The following THSD7B variants were observed in gnomAD, a reference collection of about 807,000 sequenced individuals.
The protein encoded by THSD7B is thrombospondin type-1 domain-containing protein 7B.
In THSD7B, 138 loss-of-function variants were observed where a neutral mutation model predicts 213.6. The observed-to-expected ratio is 0.65, with a 90% CI of 0.56 to 0.74. The LOEUF is 0.74. THSD7B is among the 30% of genes least tolerant of loss of function. THSD7B has a pLI of 0.00. For synonymous variants in THSD7B, 742 were observed against 687.0 expected (o/e 1.08, Z -1.25); for missense variants, 1,931 against 1,991.5 (o/e 0.97, Z 0.58).
chr2:137,493,134 A>AAG (rs1553454639), intron 15 of THSD7B, among the ~76,000 whole-genome samples: 7 of 148,336 alleles, frequency 4.7e-5, no homozygotes, highest in Admixed American at 4.0e-4. Context: ...AAAAAAAAAA[A>AAG]AAAAAAAAAA....
chr2:136,940,882 T>C (rs1684815123), intron 2 of THSD7B, among the ~76,000 whole-genome samples: 1 of 150,702 alleles, frequency 6.6e-6, no homozygotes, highest in Non-Finnish European at 1.5e-5. Context: ...TTTTTTAAAG[T>C]TCTAGGGTAC....
At chr2:137,463,684 T>C (rs146165699) in intron 15 of THSD7B, among the ~76,000 whole-genome samples, 1,524 of 152,208 alleles carry the variant, frequency 0.01, 19 homozygotes, top group African/African-American at 0.035. Flanking sequence ...GAAGGACATA[T>C]TGGGTTTTTG....
intron 3 of THSD7B, 51 bp downstream of exon 3, chr2:137,057,281 G>A (rs888770683): frequency 7.7e-6 from 11 of 1,427,962 alleles, no homozygotes; most frequent in Middle Eastern, 1.8e-4. Context: ...ATTTTATAGT[G>A]CAACTTTATA....
chr2:137,589,488 G>A (rs1163938997), intron 17 of THSD7B, among the ~76,000 whole-genome samples: 1 of 152,062 alleles, frequency 6.6e-6, no homozygotes, highest in African/African-American at 2.4e-5. Flanking sequence ...TTTTCTTCAA[G>A]TAGATATTTT....
chr2:137,453,897 A>G (rs1687706351), intron 15 of THSD7B, among the ~76,000 whole-genome samples: 1 of 152,198 alleles, frequency 6.6e-6, no homozygotes, highest in African/African-American at 2.4e-5. Flanking sequence ...TTCACTTATC[A>G]TAAGGTTTTC....
intron 22 of THSD7B, among the ~76,000 whole-genome samples, chr2:137,656,276 C>CA (rs201379589): frequency 4.0e-5 from 6 of 151,014 alleles, no homozygotes; most frequent in South Asian, 4.2e-4. Flanking sequence ...ATATGTATTA[C>CA]AAAAAAAATT....
chr2:137,265,106 C>T (rs999915325), intron 10 of THSD7B, among the ~76,000 whole-genome samples: 3 of 152,084 alleles, frequency 2.0e-5, no homozygotes, highest in Non-Finnish European at 4.4e-5. Context: ...CGATAGTTTA[C>T]TGAGAATGAT....
chr2:137,015,281 G>A (rs1441144852), intron 2 of THSD7B, among the ~76,000 whole-genome samples: 1 of 152,054 alleles, frequency 6.6e-6, no homozygotes, highest in Non-Finnish European at 1.5e-5. Context: ...ATTTCTGTGT[G>A]TCAACATTAT....
At chr2:137,345,569 G>A (rs1017850226) in intron 12 of THSD7B, among the ~76,000 whole-genome samples, 2 of 151,576 alleles carry the variant, frequency 1.3e-5, no homozygotes, top group Non-Finnish European at 3.0e-5. Context: ...ATGCTACTTG[G>A]TCACATGCTC....
At chr2:136,921,987 T>G (rs909117133) in intron 2 of THSD7B, among the ~76,000 whole-genome samples, 1 of 152,230 alleles carries the variant, frequency 6.6e-6, no homozygotes, top group South Asian at 2.1e-4. Context: ...TAGTTTTTGC[T>G]ATCTAATCTC....
intron 24 of THSD7B, among the ~76,000 whole-genome samples, 156 bp downstream of exon 24, chr2:137,657,316 A>T (rs1683255772): frequency 6.6e-6 from 1 of 152,242 alleles, no homozygotes; most frequent in Non-Finnish European, 1.5e-5. Flanking sequence ...TTTGCATCTT[A>T]GAAAGAAAGC....
intron 2 of THSD7B, among the ~76,000 whole-genome samples, chr2:136,943,449 A>G (rs1684869801): frequency 6.6e-6 from 1 of 152,206 alleles, no homozygotes; most frequent in African/African-American, 2.4e-5. Context: ...TAGTTTCAGA[A>G]GGTATGGTAC....
At chr2:137,263,781 C>T (rs1056662622) in intron 10 of THSD7B, among the ~76,000 whole-genome samples, 1 of 152,054 alleles carries the variant, frequency 6.6e-6, no homozygotes, top group Admixed American at 6.6e-5. Context: ...TGTATCTGCT[C>T]TATATATGGA....
chr2:137,654,114 T>C (rs1160033377), intron 21 of THSD7B, among the ~76,000 whole-genome samples: 1 of 152,236 alleles, frequency 6.6e-6, no homozygotes, highest in Non-Finnish European at 1.5e-5. Context: ...TTTCTTTTTT[T>C]CTACTGCTAA....
chr2:137,094,909 G>A lies in THSD7B; in HGVS notation c.987G>A (p.Gln329=). 1 of 1,613,570 alleles carries A rather than the reference G, an allele frequency of 6.2e-7. No individual in the cohort carries two copies. Among genetic ancestry groups the A allele is most frequent in the Non-Finnish European group, 8.5e-7 (1 of 1,179,802 alleles). The change falls in exon 4 of 28, where the codon CAG becomes CAA. Residue 329 remains glutamine (Q), a synonymous_variant. Transcript: ENST00000409968. ...CLQDSFPLTV[Q]SCIMPKDCET... The stretch of plus-strand genomic sequence containing the variant: ...AAGATTCCTTCCCATTGACTGTTCA[G>A]TCCTGCATCATGCCCAAAGACTGTG...
At chr2:137,581,182 A>G (rs1177216466) in intron 17 of THSD7B, among the ~76,000 whole-genome samples, 1 of 152,226 alleles carries the variant, frequency 6.6e-6, no homozygotes, top group Non-Finnish European at 1.5e-5. Context: ...ACTCAGTTCT[A>G]CTAAATGCTT....
At chr2:137,282,055 T>A (rs975457788) in intron 12 of THSD7B, among the ~76,000 whole-genome samples, 7 of 151,636 alleles carry the variant, frequency 4.6e-5, no homozygotes, top group Non-Finnish European at 8.8e-5. Flanking sequence ...CCACATCCTC[T>A]CCAGCACCTG....
Position 137,291,531 on chromosome 2 carries a change from C to T in THSD7B, c.2500+15505C>T, listed in dbSNP as rs533246007. Among the ~76,000 whole-genome samples the T allele has an allele frequency of 7.2e-5, 11 of 152,174 alleles. 1 individual carries two copies. The South Asian group carries it at 2.3e-3, about 32-fold the overall frequency. On this transcript the variant is annotated intron_variant, in intron 12 of 27. Coordinates refer to ENST00000409968, the MANE Select transcript of THSD7B (RefSeq NM_001316349.2). Reference sequence around the variant, plus strand: ...GGCAAAAATACAATGAACAAAAATACATGTAATGAAAGTATGATTTTATTC... The same window carrying T: ...GGCAAAAATACAATGAACAAAAATATATGTAATGAAAGTATGATTTTATTC...
intron 3 of THSD7B, among the ~76,000 whole-genome samples, chr2:137,081,480 G>T (rs1386957625): frequency 6.6e-6 from 1 of 151,650 alleles, no homozygotes; most frequent in Non-Finnish European, 1.5e-5. Context: ...TGGACATCTT[G>T]TTATTCATAA....
Sources: allele counts gnomAD v4.1 joint callset (sites outside exome capture counted in the v4.1 genomes callset), GRCh38; gene constraint gnomAD v4.1.1; transcripts MANE v1.5; gene names NCBI Gene and HGNC (gene_info 2026-07-23, HGNC 2026-07-21).